Variants in KANK1 observed in about 807,000 individuals in gnomAD.
KANK1 encodes the protein KN motif and ankyrin repeat domains 1, also known as KN motif and ankyrin repeat domain-containing protein 1.
In KANK1, 109 loss-of-function variants were observed where a neutral mutation model predicts 106.2. The observed-to-expected ratio is 1.03, with a 90% CI of 0.88 to 1.20. The LOEUF (loss-of-function observed/expected upper bound fraction) is 1.20. Ranked by LOEUF, KANK1 falls within the 50% of genes most tolerant of loss-of-function variation. The pLI, the probability that KANK1 is intolerant of heterozygous loss-of-function variation, is 0.00. For missense variants in KANK1, 2,399 were observed against 1,710.7 expected (o/e 1.40, Z -7.10); for synonymous variants, 873 against 652.2 (o/e 1.34, Z -5.16).
At chr9:705,948 T>G (rs1230516842) in intron 2 of KANK1, among the ~76,000 whole-genome samples, 5 of 152,044 alleles carry the variant, frequency 3.3e-5, no homozygotes, top group Non-Finnish European at 7.4e-5. Flanking sequence ...GTGCTTATAG[T>G]CTGGTACAAA....
intron 1 of KANK1, among the ~76,000 whole-genome samples, chr9:572,262 C>A (rs1303008916): frequency 1.3e-5 from 2 of 151,124 alleles, no homozygotes; most frequent in African/African-American, 4.9e-5. Context: ...CTCAAGGCAT[C>A]CTCCTGCCTC....
Position 732,216 on chromosome 9 carries a change from C to T in KANK1, c.3006-162C>T, listed in dbSNP as rs10815561. On this transcript the variant is annotated intron_variant, in intron 5 of 11. Coordinates refer to ENST00000382297, the MANE Select transcript of KANK1 (RefSeq NM_015158.5). ...GTTTAAGTTAGAGTCCATTCAAAAC[C>T]ACCAGGCATTTAAATAGACCTTACT... 229,501 of 744,510 alleles carry T rather than the reference C, an allele frequency of 0.31. 38,691 individuals carry two copies. Among genetic ancestry groups the T allele is most frequent in the South Asian group, 0.36 (17,742 of 49,472 alleles). 46.1% of individuals were successfully genotyped at this position (744,510 alleles called of 1,614,324 possible).
chr9:554,215 G>T (rs1389993182), intron 1 of KANK1, among the ~76,000 whole-genome samples: 1 of 152,244 alleles, frequency 6.6e-6, no homozygotes, highest in Admixed American at 6.5e-5. Context: ...GTGTAATTCA[G>T]TCTGAGTCTG....
intron 1 of KANK1, among the ~76,000 whole-genome samples, chr9:543,236 A>AT (rs1369283613): frequency 1.3e-5 from 2 of 152,034 alleles, no homozygotes; most frequent in Admixed American, 6.6e-5. Flanking sequence ...GTATTTATTA[A>AT]TTTTTCTATA....
rs752155564 is a variant in KANK1, at chr9:713,047, G to A, written c.2281G>A (p.Val761Met). The change falls in exon 3 of 12, where the codon GTG becomes ATG. Residue 761 changes from valine (V) to methionine (M), a missense_variant. Physicochemically the swap from Val to Met is conservative, Grantham distance 21. Coordinates refer to ENST00000382297, the MANE Select transcript of KANK1 (RefSeq NM_015158.5). Reference sequence around the variant, plus strand: ...AGCTGTGAAGACCAAAGAGTCAGGTGTGGGGCAGATAAATATTAACGACAA... The same window carrying A: ...AGCTGTGAAGACCAAAGAGTCAGGTATGGGGCAGATAAATATTAACGACAA... ...PSAVKTKESG[V>M]GQININDNYL... The A allele has an allele frequency of 1.9e-6, 3 of 1,614,218 alleles. No individual in the cohort carries two copies. In the East Asian group the frequency reaches 6.7e-5, roughly 36 times the overall value.
At chr9:514,518 C>G (rs963082512) in intron 1 of KANK1, among the ~76,000 whole-genome samples, 1 of 150,824 alleles carries the variant, frequency 6.6e-6, no homozygotes, top group South Asian at 2.1e-4. Flanking sequence ...TATCATAGAT[C>G]AATTTAGTCA....
At chr9:540,897 T>G (rs1219302895) in intron 1 of KANK1, among the ~76,000 whole-genome samples, 1 of 152,222 alleles carries the variant, frequency 6.6e-6, no homozygotes, top group African/African-American at 2.4e-5. Flanking sequence ...TTTTGTCTTT[T>G]AGTTCAGCTA....
intron 3 of KANK1, among the ~76,000 whole-genome samples, chr9:483,350 C>G (rs924835361): frequency 6.6e-6 from 1 of 152,208 alleles, no homozygotes; most frequent in South Asian, 2.1e-4. Flanking sequence ...TAGCTTCAAT[C>G]CCCAGAGATT....
At chr9:628,670 C>T (rs12337056) in intron 1 of KANK1, among the ~76,000 whole-genome samples, 23,573 of 152,050 alleles carry the variant, frequency 0.16, 1,988 homozygotes, top group Admixed American at 0.18. Context: ...CCTCCCCTCT[C>T]TGCCCAGTTC....
chr9:529,381 A>G (rs2059956922), intron 1 of KANK1, among the ~76,000 whole-genome samples: 1 of 150,870 alleles, frequency 6.6e-6, no homozygotes, highest in Admixed American at 6.6e-5. Context: ...TTGTATTTTC[A>G]GTAGAGATGG....
chr9:475,004 T>C (rs2058079753), intron 3 of KANK1, among the ~76,000 whole-genome samples: 1 of 152,120 alleles, frequency 6.6e-6, no homozygotes, highest in African/African-American at 2.4e-5. Context: ...CATCAGGTGA[T>C]GGTCACATGG....
chr9:667,039 G>GT lies in KANK1; in HGVS notation c.-83-9849dup, dbSNP rs577978837. ...GAAGACTTTGAGTAGAATTATTATA[G>GT]TTCTTCTTGAAATGTTTAATAGAAT... On this transcript the variant is annotated intron_variant, in intron 1 of 11. Coordinates refer to ENST00000382297, the MANE Select transcript of KANK1 (RefSeq NM_015158.5). Among the ~76,000 whole-genome samples the GT allele has an allele frequency of 6.6e-3, 927 of 141,274 alleles. 10 individuals carry two copies. The highest frequency in any genetic ancestry group is 0.048 in the South Asian group (208 of 4,378). The allele number at this position is 141,274 out of a possible 152,430, so 92.7% of individuals were successfully genotyped here.
intron 1 of KANK1, among the ~76,000 whole-genome samples, chr9:519,999 T>G (rs1436821390): frequency 6.6e-6 from 1 of 151,802 alleles, no homozygotes; most frequent in Admixed American, 6.6e-5. Context: ...CTAGACTTAA[T>G]GAGCCACTCC....
chr9:708,210 A>G (rs4259464), intron 2 of KANK1, among the ~76,000 whole-genome samples: 1,417 of 12,258 alleles, frequency 0.12, 75 homozygotes, highest in Middle Eastern at 0.21. Flanking sequence ...TGTTAATGGA[A>G]TTTCAGACAG....
chr9:736,452 C>G (rs1177363306), intron 7 of KANK1, among the ~76,000 whole-genome samples: 2 of 151,990 alleles, frequency 1.3e-5, no homozygotes, highest in South Asian at 2.1e-4. Flanking sequence ...ACCTGTAATC[C>G]CAGCACTTTG....
chr9:572,206 A>C (rs1163419764), intron 1 of KANK1, among the ~76,000 whole-genome samples: 1 of 123,298 alleles, frequency 8.1e-6, no homozygotes, highest in African/African-American at 3.2e-5. Context: ...CCCAGGCTTG[A>C]GTGCAGTGGA....
chr9:560,784 A>T (rs990391635), intron 1 of KANK1, among the ~76,000 whole-genome samples: 6 of 152,084 alleles, frequency 3.9e-5, no homozygotes, highest in Non-Finnish European at 7.4e-5. Flanking sequence ...GGATAGAAAA[A>T]AAAAAAGGCT....
intron 2 of KANK1, among the ~76,000 whole-genome samples, chr9:679,188 T>C (rs572552183): frequency 4.9e-4 from 74 of 152,284 alleles, no homozygotes; most frequent in African/African-American, 1.8e-3. Flanking sequence ...CAGACAGTTA[T>C]CTGGACTGTG....
At chr9:597,159 A>G (rs1318438454) in intron 1 of KANK1, among the ~76,000 whole-genome samples, 2 of 151,756 alleles carry the variant, frequency 1.3e-5, no homozygotes, top group African/African-American at 4.9e-5. Flanking sequence ...CCACCTTTTA[A>G]TTCTTATGAA....
Sources: gnomAD v4.1 joint callset for allele counts (sites outside exome capture counted in the v4.1 genomes callset) on GRCh38, gnomAD v4.1.1 for gene constraint, MANE v1.5 for transcripts, NCBI Gene and HGNC (gene_info 2026-07-23, HGNC 2026-07-21) for gene names.